AGBL2: variants seen among roughly 807,000 people sequenced by gnomAD.
The protein encoded by AGBL2 is cytosolic carboxypeptidase 2.
Under a neutral mutation model 103.0 loss-of-function variants are expected in AGBL2, and 87 were observed. The observed-to-expected ratio is 0.84, with a 90% CI of 0.71 to 1.01. The LOEUF is 1.01. Among genes scored for constraint, AGBL2 ranks in the 50% least tolerant of loss-of-function variants. The pLI, the probability that AGBL2 is intolerant of heterozygous loss-of-function variation, is 0.00. For missense variants in AGBL2, 904 were observed against 1,023.5 expected, an observed-to-expected ratio of 0.88 and a Z score of 1.59; for synonymous variants, 335 against 356.7, an observed-to-expected ratio of 0.94 and a Z score of 0.69.
At chr11:47,679,088 A>AAAAAAT (rs2097390866) in intron 13 of AGBL2, among the ~76,000 whole-genome samples, 2 of 131,848 alleles carry the variant, frequency 1.5e-5, no homozygotes, top group African/African-American at 5.3e-5. Context: ...AAAAAAAAAA[A>AAAAAAT]AGAAAAGACA....
At chr11:47,700,869 G>A (rs1306785054) in intron 7 of AGBL2, among the ~76,000 whole-genome samples, 3 of 151,788 alleles carry the variant, frequency 2.0e-5, no homozygotes, top group Non-Finnish European at 2.9e-5. Context: ...AGACCAGCCT[G>A]GCCAACACGG....
chr11:47,665,691 T>C (rs2097339546), intron 17 of AGBL2, among the ~76,000 whole-genome samples: 1 of 152,110 alleles, frequency 6.6e-6, no homozygotes, highest in Non-Finnish European at 1.5e-5. Flanking sequence ...TGGGCTCCAG[T>C]GATCCTCCTG....
In AGBL2 at chr11:47,708,746, G is replaced by A. The variant is rs576548258; in HGVS notation, c.232+1631C>T. Among the ~76,000 whole-genome samples, 6 of 151,728 alleles carry A rather than the reference G, an allele frequency of 4.0e-5. No individual in the cohort carries two copies. The East Asian group carries it at 5.9e-4, about 15-fold the overall frequency. ...GGAGAATCACTTGAAGCCAGGAGGC[G>A]GAGGTTGTAGTGAGCCGAGATGGAG... On this transcript the variant is annotated intron_variant, in intron 4 of 18. Transcript: ENST00000525123.
chr11:47,683,793 CT>C (rs2097411942), intron 11 of AGBL2, among the ~76,000 whole-genome samples: 2 of 150,406 alleles, frequency 1.3e-5, no homozygotes, highest in South Asian at 4.2e-4. Context: ...AATTAAAATA[CT>C]TTTCTAAAGC....
In AGBL2 at chr11:47,677,249, A is replaced by T. The variant is rs747960323; in HGVS notation, c.2147+22T>A. ...CAACAAAGTATTTAAAAAAAAACAAAACTCTGTTTTTTCTTTGTTACCTGG... is the reference window on the plus strand; with the variant it reads ...CAACAAAGTATTTAAAAAAAAACAATACTCTGTTTTTTCTTTGTTACCTGG... On this transcript the variant is annotated intron_variant, in intron 14 of 18. Transcript: ENST00000525123. The T allele has an allele frequency of 7.0e-6, 11 of 1,568,634 alleles. No individual in the cohort carries two copies. The South Asian group carries it at 1.2e-4, about 17-fold the overall frequency.
chr11:47,664,009 C>T (rs1371074658), intron 17 of AGBL2, among the ~76,000 whole-genome samples: 4 of 151,956 alleles, frequency 2.6e-5, no homozygotes, highest in African/African-American at 9.7e-5. Flanking sequence ...CGCCTGCCAC[C>T]ACGCCTGGCT....
Position 47,714,743 on chromosome 11 carries a change from A to C in AGBL2, c.-93T>G. On this transcript the variant is annotated 5_prime_UTR_variant, in exon 2 of 19. Coordinates refer to ENST00000525123, the MANE Select transcript of AGBL2 (RefSeq NM_024783.4). Reference sequence around the variant, plus strand: ...TTTCCAAATAGGCAGCTGATTACACAAGAGAAGCTACAAAGCCACAAGAGG... The same window carrying C: ...TTTCCAAATAGGCAGCTGATTACACCAGAGAAGCTACAAAGCCACAAGAGG... 1 of 1,289,980 alleles carries C rather than the reference A, an allele frequency of 7.8e-7. No homozygotes were observed. The highest frequency in any genetic ancestry group is 1.1e-6 in the Non-Finnish European group (1 of 885,496). The allele number at this position is 1,289,980 out of a possible 1,614,324, so 79.9% of individuals were successfully genotyped here.
rs765202236 is a variant in AGBL2 at position 47,690,820 on chromosome 11, A to T, written c.887T>A (p.Leu296His). ...YEYELTLRTD[L>H]YTNKHTQWFY... ...CCACTGAGTGTGTTTGTTAGTGTAG[A>T]GGTCAGTTCGCAAGGTGAGTTCATA... The change falls in exon 10 of 19, where the codon CTC becomes CAC. Residue 296 changes from leucine to histidine, a missense_variant. By Grantham distance (99) the Leu-to-His change is moderately conservative. Coordinates refer to ENST00000525123, the MANE Select transcript of AGBL2 (RefSeq NM_024783.4). The T allele has an allele frequency of 1.2e-6, 2 of 1,613,188 alleles. No individual in the cohort carries two copies. The highest frequency in any genetic ancestry group is 8.5e-7 in the Non-Finnish European group (1 of 1,180,006).
chr11:47,678,343 A>ATTATTTTTTTTTTTTTTTTTTTTT (rs2097385523), intron 13 of AGBL2, among the ~76,000 whole-genome samples: 46 of 116,796 alleles, frequency 3.9e-4, no homozygotes, highest in East Asian at 8.8e-4. Context: ...TTATTATTTT[A>ATTATTTTTTTTTTTTTTTTTTTTT]TTTTTTTTGA....
At chr11:47,667,777 T>A in intron 15 of AGBL2, 81 bp from the exon 16 acceptor site, 1 of 1,481,542 alleles carries the variant, frequency 6.7e-7, no homozygotes, top group Non-Finnish European at 9.2e-7. Context: ...CATGCAACAC[T>A]CAAGACACAA....
At chr11:47,710,007 A>G (rs1456223046) in intron 4 of AGBL2, among the ~76,000 whole-genome samples, 1 of 151,778 alleles carries the variant, frequency 6.6e-6, no homozygotes, top group African/African-American at 2.4e-5. Context: ...CTCCCACCTC[A>G]GCCTCCCAAG....
In AGBL2 at chr11:47,668,714, C is replaced by T. The variant is rs529421193; in HGVS notation, c.2214+127G>A. The T allele has an allele frequency of 6.2e-6, 4 of 649,460 alleles. No homozygotes were observed. The Admixed American group carries it at 1.1e-4, about 18-fold the overall frequency. The allele number at this position is 649,460 out of a possible 1,614,324, so 40.2% of individuals were successfully genotyped here. A position where few individuals can be genotyped will look rare whatever the true frequency, so the allele number is the denominator to read the frequency against. On this transcript the variant is annotated intron_variant, in intron 15 of 18. Transcript: ENST00000525123. ...AACAAGAGACTTTAGGGCAAGGTGACTAGTTAGGACATTACTGTATATTTT... is the reference window on the plus strand; with the variant it reads ...AACAAGAGACTTTAGGGCAAGGTGATTAGTTAGGACATTACTGTATATTTT...
intron 11 of AGBL2, among the ~76,000 whole-genome samples, chr11:47,684,592 AAAAT>A (rs780229148): frequency 2.0e-5 from 3 of 151,670 alleles, no homozygotes; most frequent in Non-Finnish European, 4.4e-5. Context: ...AAAAATAAGT[AAAAT>A]AAATAAATAA....
intron 10 of AGBL2, among the ~76,000 whole-genome samples, chr11:47,688,332 G>A (rs1168227630): frequency 6.6e-6 from 1 of 152,066 alleles, no homozygotes; most frequent in African/African-American, 2.4e-5. Context: ...GTGCAAAAAA[G>A]CCTATTGAGA....
At chr11:47,671,419 C>T (rs1418492432) in intron 14 of AGBL2, among the ~76,000 whole-genome samples, 1 of 152,110 alleles carries the variant, frequency 6.6e-6, no homozygotes, top group African/African-American at 2.4e-5. Context: ...ACTCGGGAGG[C>T]TGAGGCATGA....
At chr11:47,683,628 C>G (rs2097411177) in intron 11 of AGBL2, among the ~76,000 whole-genome samples, 1 of 150,678 alleles carries the variant, frequency 6.6e-6, no homozygotes, top group Non-Finnish European at 1.5e-5. Flanking sequence ...AAAATTTAGC[C>G]AAGTGTGGTA....
At position 47,663,084 on chromosome 11, in the gene AGBL2, G is replaced by A. The variant is rs767936780; in HGVS notation, c.2477C>T (p.Thr826Ile). Reference protein sequence around the residue: ...ETNLNRRDKDTPLDPSMATLI... With the variant: ...ETNLNRRDKDIPLDPSMATLI... ...GGTGGCCATTGATGGGTCCAGGGGG[G>A]TGTCTTTGTCTCTTCTATTTAAATT... Residue 826 changes from threonine (T) to isoleucine (I), a missense_variant, in exon 18 of 19, where the codon ACC becomes ATC. Coordinates refer to ENST00000525123, the MANE Select transcript of AGBL2 (RefSeq NM_024783.4). 12 of 1,594,024 alleles carry A rather than the reference G, an allele frequency of 7.5e-6. No individual in the cohort carries two copies. The highest frequency in any genetic ancestry group is 1.9e-5 in the Admixed American group (1 of 52,322).
chr11:47,675,494 C>A (rs2097372046), intron 14 of AGBL2, among the ~76,000 whole-genome samples: 1 of 149,452 alleles, frequency 6.7e-6, no homozygotes, highest in Non-Finnish European at 1.5e-5. Flanking sequence ...AGGCGATCCT[C>A]CCTCCCGCCT....
chr11:47,686,102 AT>A, intron 10 of AGBL2, 53 bp from the exon 11 acceptor site: 1 of 1,556,698 alleles, frequency 6.4e-7, no homozygotes, highest in East Asian at 2.3e-5. Context: ...CATACAAATA[AT>A]TAAGGATCAT....
Sources: gnomAD v4.1 joint callset for allele counts (sites outside exome capture counted in the v4.1 genomes callset) on GRCh38, gnomAD v4.1.1 for gene constraint, MANE v1.5 for transcripts, NCBI Gene and HGNC (gene_info 2026-07-23, HGNC 2026-07-21) for gene names.